DTNA: variants seen among roughly 807,000 people sequenced by gnomAD.
DTNA encodes the protein dystrophin-related protein 3.
In DTNA, 43 loss-of-function variants were observed where a neutral mutation model predicts 100.7. That is an observed-to-expected ratio of 0.43 (90% CI 0.33 to 0.55). The LOEUF (loss-of-function observed/expected upper bound fraction) is 0.55, where lower values mean the gene tolerates loss of function less well. Among genes scored for constraint, DTNA ranks in the 20% least tolerant of loss-of-function variants. The pLI, the probability that DTNA is intolerant of heterozygous loss-of-function variation, is 0.04. For synonymous variants in DTNA, 349 were observed against 347.9 expected (o/e 1.00, Z -0.04); for missense variants, 798 against 953.9 (o/e 0.84, Z 2.15).
chr18:34,763,782 T>G (rs2093325206), intron 2 of DTNA, among the ~76,000 whole-genome samples: 1 of 152,102 alleles, frequency 6.6e-6, no homozygotes, highest in African/African-American at 2.4e-5. Flanking sequence ...TTGATCATAA[T>G]GAAAATAATA....
At chr18:34,829,175 T>G (rs1437572818) in intron 10 of DTNA, 24 of 1,606,560 alleles carry the variant, frequency 1.5e-5, no homozygotes, top group Non-Finnish European at 1.9e-5. Flanking sequence ...ATATGATTAT[T>G]TCCCTTTTTT....
At chr18:34,720,544 G>A (rs1358634327) in intron 1 of DTNA, among the ~76,000 whole-genome samples, 1 of 152,112 alleles carries the variant, frequency 6.6e-6, no homozygotes, top group Non-Finnish European at 1.5e-5. Context: ...CAGAGGAGAA[G>A]GGAAAGGCAA....
In DTNA at chr18:34,505,979, T is replaced by C. The variant is rs75382109; in HGVS notation, c.-2+12465T>C. 3.9e-5 allele frequency among the ~76,000 whole-genome samples: 6 copies of C among 152,358 alleles called. No individual in the cohort carries two copies. In the South Asian group the frequency reaches 6.2e-4, roughly 16 times the overall value. On this transcript the variant is annotated intron_variant, in intron 1 of 19. Coordinates refer to the DTNA transcript ENST00000283365. Reference sequence around the variant, plus strand: ...ACTTTCTGATTTAGCCGAGTTCCACTAACATCACCTCAGTGAGCATCAGTG... The same window carrying C: ...ACTTTCTGATTTAGCCGAGTTCCACCAACATCACCTCAGTGAGCATCAGTG...
Position 34,585,653 on chromosome 18 carries a change from A to G in DTNA, c.-2+92139A>G, listed in dbSNP as rs151030829. Among the ~76,000 whole-genome samples the G allele has an allele frequency of 2.5e-3, 388 of 152,256 alleles. 4 individuals are homozygous for G. The highest frequency in any genetic ancestry group is 8.7e-3 in the African/African-American group (360 of 41,560). ...GGACACACATGCTGGAGGAAGTATTATATATAATATCCTACATAGAATCCT... is the reference window on the plus strand; with the variant it reads ...GGACACACATGCTGGAGGAAGTATTGTATATAATATCCTACATAGAATCCT... On this transcript the variant is annotated intron_variant, in intron 1 of 19. Transcript: ENST00000283365.
At chr18:34,719,874 A>G (rs1477397067) in intron 1 of DTNA, among the ~76,000 whole-genome samples, 1 of 152,152 alleles carries the variant, frequency 6.6e-6, no homozygotes, top group African/African-American at 2.4e-5. Flanking sequence ...ACCTCAAAGA[A>G]TGGGCCTCAT....
rs893281356 is a variant in DTNA, at chr18:34,840,955, G to A, written c.1346+2118G>A. On this transcript the variant is annotated intron_variant, in intron 13 of 22. Coordinates refer to ENST00000444659, the MANE Select transcript of DTNA (RefSeq NM_001386795.1). ...CCTTTAACATCATTGTAGCTACAAT[G>A]CTTTACCATCATTAAGTTACAGTGA... 5.9e-5 allele frequency among the ~76,000 whole-genome samples: 9 copies of A among 151,912 alleles called. No individual in the cohort carries two copies. In the South Asian group the frequency reaches 1.9e-3, roughly 32 times the overall value.
intron 13 of DTNA, among the ~76,000 whole-genome samples, chr18:34,844,555 A>AACTAATAATGCTTTCTCAGGT (rs139792130): frequency 0.27 from 41,296 of 152,010 alleles, 5,912 homozygotes; most frequent in African/African-American, 0.35. Context: ...CATTTGAGTT[A>AACTAATAATGCTTTCTCAGGT]ACTAATCCTC....
At chr18:34,826,329 C>T (rs2095857749) in intron 9 of DTNA, among the ~76,000 whole-genome samples, 1 of 152,102 alleles carries the variant, frequency 6.6e-6, no homozygotes, top group Admixed American at 6.5e-5. Flanking sequence ...GCACCCATCA[C>T]TCGAGCAGTA....
At position 34,889,274 on chromosome 18, in the gene DTNA, T is replaced by C; in HGVS notation, c.*1540T>C. 1.0e-6 allele frequency: 1 copy of C among 984,342 alleles called. No individual in the cohort carries two copies. The highest frequency in any genetic ancestry group is 1.2e-6 in the Non-Finnish European group (1 of 828,948). 61.0% of individuals were successfully genotyped at this position (984,342 alleles called of 1,614,324 possible). On this transcript the variant is annotated 3_prime_UTR_variant, in exon 23 of 23. Transcript: ENST00000444659. ...GTGTGTTCCCCGGACAAGCAGCATC[T>C]GCAACACTTAGGAAGGTCTTCGAAA...
intron 1 of DTNA, among the ~76,000 whole-genome samples, chr18:34,731,421 G>A (rs1167630066): frequency 6.6e-6 from 1 of 152,064 alleles, no homozygotes; most frequent in African/African-American, 2.4e-5. Flanking sequence ...GGAGCTTGCA[G>A]TGAGCCGAGA....
chr18:34,650,417 G>T (rs2060308637), intron 1 of DTNA, among the ~76,000 whole-genome samples: 1 of 152,150 alleles, frequency 6.6e-6, no homozygotes, highest in Non-Finnish European at 1.5e-5. Flanking sequence ...GTGCATGTTT[G>T]TGTGTTTTTC....
At chr18:34,579,367 T>C (rs2118853) in intron 1 of DTNA, among the ~76,000 whole-genome samples, 15,658 of 152,216 alleles carry the variant, frequency 0.1, 1,170 homozygotes, top group African/African-American at 0.21. Context: ...TTTATACTTA[T>C]CCAGATATTT....
At chr18:34,645,523 A>AT (rs1267346358) in intron 1 of DTNA, among the ~76,000 whole-genome samples, 2 of 152,106 alleles carry the variant, frequency 1.3e-5, no homozygotes, top group Non-Finnish European at 2.9e-5. Flanking sequence ...AGATATCTCG[A>AT]TTCATAGAAA....
intron 13 of DTNA, among the ~76,000 whole-genome samples, chr18:34,844,732 A>G (rs755882282): frequency 2.6e-5 from 4 of 152,206 alleles, no homozygotes; most frequent in Non-Finnish European, 5.9e-5. Context: ...TTTGGATCAC[A>G]GTATTTTCTG....
chr18:34,571,260 T>C (rs994929139), intron 1 of DTNA, among the ~76,000 whole-genome samples: 1 of 152,176 alleles, frequency 6.6e-6, no homozygotes, highest in Non-Finnish European at 1.5e-5. Context: ...AGAGGCACAG[T>C]CCTCCATATT....
intron 1 of DTNA, among the ~76,000 whole-genome samples, chr18:34,551,367 T>G (rs2045393523): frequency 6.6e-6 from 1 of 152,088 alleles, no homozygotes; most frequent in Non-Finnish European, 1.5e-5. Context: ...CAAACCAAGT[T>G]CCCAAAATCG....
At chr18:34,851,952 C>T (rs1347255550) in intron 15 of DTNA, 24 bp downstream of exon 15, 1 of 1,609,726 alleles carries the variant, frequency 6.2e-7, no homozygotes. Context: ...GACGTGCTGG[C>T]TTGTTTGATC....
chr18:34,647,627 A>G (rs554787581), intron 1 of DTNA, among the ~76,000 whole-genome samples: 2 of 152,304 alleles, frequency 1.3e-5, no homozygotes, highest in Admixed American at 1.3e-4. Context: ...GCACTCAGCT[A>G]TTTTGGACTG....
chr18:34,649,437 A>G (rs1174709991), intron 1 of DTNA, among the ~76,000 whole-genome samples: 1 of 152,204 alleles, frequency 6.6e-6, no homozygotes, highest in Non-Finnish European at 1.5e-5. Flanking sequence ...CCCTCCCTCA[A>G]CCTAAAGATA....
Sources: gnomAD v4.1 joint callset for allele counts (sites outside exome capture counted in the v4.1 genomes callset) on GRCh38, gnomAD v4.1.1 for gene constraint, MANE v1.5 for transcripts, NCBI Gene and HGNC (gene_info 2026-07-23, HGNC 2026-07-21) for gene names.